GPC5: variants seen among roughly 807,000 people sequenced by gnomAD.
GPC5 encodes the protein glypican-5.
GPC5 carries 47 observed loss-of-function variants against 53.9 expected under a neutral mutation model. The observed-to-expected ratio is 0.87, with a 90% confidence interval of 0.69 to 1.11. The LOEUF is 1.11. Ranked by LOEUF, GPC5 falls within the 50% of genes most tolerant of loss-of-function variation. The probability of loss-of-function intolerance (pLI) is 0.00; values close to 1 mark genes in which losing one functional copy is unlikely to be tolerated. For synonymous variants in GPC5, 286 were observed against 263.3 expected (o/e 1.09, Z -0.84); for missense variants, 748 against 713.1 (o/e 1.05, Z -0.56).
intron 7 of GPC5, among the ~76,000 whole-genome samples, chr13:92,527,854 A>G (rs115503732): frequency 0.01 from 1,561 of 152,244 alleles, 26 homozygotes; most frequent in African/African-American, 0.036. Context: ...CTACAAATAG[A>G]TAAGAAAAAT....
chr13:91,956,086 C>T (rs1211450048), intron 6 of GPC5, among the ~76,000 whole-genome samples: 2 of 152,092 alleles, frequency 1.3e-5, no homozygotes, highest in African/African-American at 4.8e-5. Context: ...TTGAGAATCA[C>T]CTCCCCAGTG....
intron 7 of GPC5, among the ~76,000 whole-genome samples, chr13:92,228,609 G>C (rs934852345): frequency 3.3e-5 from 5 of 152,114 alleles, no homozygotes; most frequent in African/African-American, 4.8e-5. Flanking sequence ...TCCTAAGGAA[G>C]ATGATCTTGA....
rs200382530 is a variant in GPC5, at chr13:91,930,588, C to CA, written c.1401+22540dup. Reference sequence around the variant, plus strand: ...TCAGTATTCAGCCTTTTTTGTCCTACAAAAAAAAATGACAGTTTTATGTTT... The same window carrying CA: ...TCAGTATTCAGCCTTTTTTGTCCTACAAAAAAAAAATGACAGTTTTATGTTT... On this transcript the variant is annotated intron_variant, in intron 6 of 7. Transcript: ENST00000377067. Among the ~76,000 whole-genome samples, 168 of 150,374 alleles carry CA rather than the reference C, an allele frequency of 1.1e-3. 1 individual carries two copies. The highest frequency in any genetic ancestry group is 8.4e-3 in the South Asian group (40 of 4,750).
chr13:91,678,990 A>T (rs1201003095), intron 2 of GPC5, among the ~76,000 whole-genome samples: 1 of 152,140 alleles, frequency 6.6e-6, no homozygotes, highest in Non-Finnish European at 1.5e-5. Context: ...GTCCTGGGGT[A>T]AACATTGTAT....
chr13:92,177,801 C>T (rs1214754095), intron 7 of GPC5, among the ~76,000 whole-genome samples: 3 of 152,166 alleles, frequency 2.0e-5, no homozygotes, highest in African/African-American at 7.2e-5. Flanking sequence ...ATAGCATCCA[C>T]AGTACTATTT....
intron 7 of GPC5, among the ~76,000 whole-genome samples, chr13:92,338,944 G>T (rs1434652981): frequency 6.6e-6 from 1 of 152,018 alleles, no homozygotes; most frequent in East Asian, 1.9e-4. Flanking sequence ...AGCACTTAGT[G>T]TGTGATGTTG....
intron 2 of GPC5, among the ~76,000 whole-genome samples, chr13:91,466,363 A>G (rs1400116812): frequency 6.6e-6 from 1 of 152,036 alleles, no homozygotes; most frequent in Non-Finnish European, 1.5e-5. Context: ...GCCTCTCAGC[A>G]CCTTCCTAGT....
chr13:91,490,894 T>A (rs77230507), intron 2 of GPC5, among the ~76,000 whole-genome samples: 189 of 152,284 alleles, frequency 1.2e-3, no homozygotes, highest in Non-Finnish European at 2.5e-3. Flanking sequence ...AACCTAGATA[T>A]GAATTTCCAC....
intron 6 of GPC5, among the ~76,000 whole-genome samples, chr13:91,945,646 A>G (rs1216917109): frequency 6.6e-6 from 1 of 152,180 alleles, no homozygotes; most frequent in East Asian, 1.9e-4. Context: ...AAGGGGTTGT[A>G]GAATGTGCCC....
chr13:92,304,165 A>C (rs570889202), intron 7 of GPC5, among the ~76,000 whole-genome samples: 1 of 152,044 alleles, frequency 6.6e-6, no homozygotes, highest in African/African-American at 2.4e-5. Flanking sequence ...GGGCTCTCAA[A>C]AAATGTAATG....
chr13:92,681,450 T>A (rs1172138296), intron 7 of GPC5, among the ~76,000 whole-genome samples: 1 of 151,832 alleles, frequency 6.6e-6, no homozygotes, highest in African/African-American at 2.4e-5. Flanking sequence ...ATTCCTTACA[T>A]TCCTTTCTCT....
intron 7 of GPC5, among the ~76,000 whole-genome samples, chr13:92,484,394 C>A (rs936405176): frequency 6.6e-5 from 10 of 152,118 alleles, no homozygotes; most frequent in African/African-American, 1.9e-4. Flanking sequence ...GAGTAAATAC[C>A]TAAACCAGTA....
intron 1 of GPC5, among the ~76,000 whole-genome samples, chr13:91,434,847 T>A (rs538616913): frequency 5.3e-5 from 8 of 152,314 alleles, no homozygotes; most frequent in African/African-American, 1.4e-4. Flanking sequence ...TTTGTTTGTA[T>A]CCTCTTTTAT....
chr13:91,466,230 G>C (rs554222259), intron 2 of GPC5, among the ~76,000 whole-genome samples: 1 of 152,152 alleles, frequency 6.6e-6, no homozygotes, highest in Admixed American at 6.6e-5. Flanking sequence ...GCGTAAAAGT[G>C]CTTAGGAATA....
At chr13:91,811,038 C>T (rs2038304294) in intron 5 of GPC5, among the ~76,000 whole-genome samples, 1 of 151,294 alleles carries the variant, frequency 6.6e-6, no homozygotes, top group Non-Finnish European at 1.5e-5. Context: ...ATTGACATAA[C>T]ACTAACTCGT....
intron 7 of GPC5, among the ~76,000 whole-genome samples, chr13:92,376,123 G>A (rs1056518508): frequency 3.9e-5 from 6 of 152,234 alleles, no homozygotes; most frequent in Non-Finnish European, 5.9e-5. Flanking sequence ...GGTGCCAGCC[G>A]GGCTCTGTCT....
At chr13:91,592,129 G>A (rs2032821571) in intron 2 of GPC5, among the ~76,000 whole-genome samples, 1 of 152,188 alleles carries the variant, frequency 6.6e-6, no homozygotes, top group Non-Finnish European at 1.5e-5. Flanking sequence ...GATGTTTTTA[G>A]ATGGCCAAGA....
chr13:92,252,954 G>T (rs1487734487), intron 7 of GPC5, among the ~76,000 whole-genome samples: 2 of 152,064 alleles, frequency 1.3e-5, no homozygotes, highest in Non-Finnish European at 2.9e-5. Flanking sequence ...TAAAAATACA[G>T]ACATAGACGA....
At chr13:92,668,741 C>G (rs1886654142) in intron 7 of GPC5, among the ~76,000 whole-genome samples, 1 of 151,910 alleles carries the variant, frequency 6.6e-6, no homozygotes, top group African/African-American at 2.4e-5. Flanking sequence ...ACGGTTTAAC[C>G]TTATATAGTT....
Sources: gnomAD v4.1 joint callset for allele counts (sites outside exome capture counted in the v4.1 genomes callset) on GRCh38, gnomAD v4.1.1 for gene constraint, MANE v1.5 for transcripts, NCBI Gene and HGNC (gene_info 2026-07-23, HGNC 2026-07-21) for gene names.